The following ETNK1 variants were observed in gnomAD, a reference collection of about 807,000 sequenced individuals.
ETNK1 encodes the protein putative protein product of Nbla10396.
In ETNK1, 8 loss-of-function variants were observed where a neutral mutation model predicts 45.1. The ratio of observed to expected loss-of-function variants is 0.18; its 90% CI spans 0.10 to 0.32. The LOEUF (loss-of-function observed/expected upper bound fraction) is 0.32. Among genes scored for constraint, ETNK1 ranks in the 10% least tolerant of loss-of-function variants. ETNK1 has a pLI of 1.00. For missense variants in ETNK1, 302 were observed against 430.6 expected, an observed-to-expected ratio of 0.70 and a Z score of 2.64; for synonymous variants, 152 against 151.9, an observed-to-expected ratio of 1.00 and a Z score of -0.01.
At chr12:22,662,049 T>TC (rs1954004597) in intron 4 of ETNK1, among the ~76,000 whole-genome samples, 5 of 79,914 alleles carry the variant, frequency 6.3e-5, no homozygotes, top group African/African-American at 2.2e-4. Flanking sequence ...GGAAACTAGT[T>TC]CCCCGCACCC....
chr12:22,653,601 C>A (rs1048495910), intron 2 of ETNK1, among the ~76,000 whole-genome samples: 1 of 151,946 alleles, frequency 6.6e-6, no homozygotes, highest in Admixed American at 6.6e-5. Flanking sequence ...GTATTTATTT[C>A]TTTTCGATGC....
intron 1 of ETNK1, among the ~76,000 whole-genome samples, chr12:22,641,060 G>T (rs200753277): frequency 1.3e-5 from 2 of 152,206 alleles, no homozygotes; most frequent in Middle Eastern, 3.4e-3. Flanking sequence ...CAATGCAAAG[G>T]TAAGAAGTAT....
intron 2 of ETNK1, among the ~76,000 whole-genome samples, chr12:22,651,846 C>T (rs1221660512): frequency 3.3e-5 from 5 of 151,910 alleles, no homozygotes; most frequent in Non-Finnish European, 7.4e-5. Flanking sequence ...CCACCTCGCC[C>T]TGCCGAGTTT....
intron 1 of ETNK1, among the ~76,000 whole-genome samples, chr12:22,633,383 G>C (rs910238558): frequency 2.0e-5 from 3 of 152,048 alleles, no homozygotes; most frequent in Admixed American, 6.6e-5. Context: ...CTTTTCTTTT[G>C]GTCTGTTTTG....
chr12:22,629,653 T>C (rs1430366718), intron 1 of ETNK1, among the ~76,000 whole-genome samples: 1 of 152,162 alleles, frequency 6.6e-6, no homozygotes, highest in Non-Finnish European at 1.5e-5. Flanking sequence ...CTTTTCTGTT[T>C]TTAAAAAGAT....
At chr12:22,682,461 A>C (rs1001369893) in intron 6 of ETNK1, 2 of 280,748 alleles carry the variant, frequency 7.1e-6, no homozygotes, top group African/African-American at 4.5e-5. Flanking sequence ...TGTCCCATTA[A>C]AAATGTGCAA....
At chr12:22,651,682 C>CCT (rs1565441627) in intron 2 of ETNK1, among the ~76,000 whole-genome samples, 5 of 131,050 alleles carry the variant, frequency 3.8e-5, no homozygotes, top group Middle Eastern at 3.8e-3. Flanking sequence ...AATTCTATCC[C>CCT]TTTTTTTTTT....
In ETNK1 at chr12:22,673,610, A is replaced by G. The variant is rs1954132046; in HGVS notation, c.895A>G (p.Thr299Ala). Reference sequence around the variant, plus strand: ...ATTTAAGGGCTTTGGGACTGAAGTTACTGAAAAGGAGGTAGAAATACTCTT... The same window carrying G: ...ATTTAAGGGCTTTGGGACTGAAGTTGCTGAAAAGGAGGTAGAAATACTCTT... ...KEFKGFGTEV[T>A]EKEVEILFIQ... The change falls in exon 6 of 8, where the codon ACT (threonine) becomes GCT (alanine). Residue 299 changes from threonine (T) to alanine (A), a missense_variant. Thr to Ala is a moderately conservative substitution (Grantham distance 58, BLOSUM62 0). Around this residue, in one of 3 missense-constraint regions of ETNK1, gnomAD observed 94 missense variants for 152.9 expected, o/e 0.61. Transcript: ENST00000266517. 2.5e-6 allele frequency: 4 copies of G among 1,613,880 alleles called. No individual in the cohort carries two copies. The highest frequency in any genetic ancestry group is 3.4e-6 in the Non-Finnish European group (4 of 1,179,924).
intron 4 of ETNK1, among the ~76,000 whole-genome samples, chr12:22,663,201 A>G (rs1400124014): frequency 1.3e-5 from 2 of 152,150 alleles, no homozygotes; most frequent in Non-Finnish European, 2.9e-5. Flanking sequence ...CCAAATCTCA[A>G]TGCCATTTGT....
In ETNK1 at chr12:22,687,781, C is replaced by T. The variant is rs1954272495; in HGVS notation, c.*2827C>T. On this transcript the variant is annotated 3_prime_UTR_variant, in exon 8 of 8. Transcript: ENST00000266517. ...TGTGAACTGTATCTTGCATATGAGA[C>T]TGTGTATTGTTTTGCATTCTCTTCC... 1 of 152,218 alleles carries T rather than the reference C, an allele frequency of 6.6e-6. No homozygotes were observed. Among genetic ancestry groups the T allele is most frequent in the African/African-American group, 2.4e-5 (1 of 41,406 alleles). 9.4% of individuals were successfully genotyped at this position (152,218 alleles called of 1,614,324 possible).
chr12:22,673,890 A>G (rs186243437), intron 6 of ETNK1, among the ~76,000 whole-genome samples: 6 of 152,298 alleles, frequency 3.9e-5, no homozygotes, highest in Non-Finnish European at 5.9e-5. Flanking sequence ...ATGCCTGGCC[A>G]TATGATAGGT....
chr12:22,641,620 G>T (rs1953738575), intron 1 of ETNK1, among the ~76,000 whole-genome samples: 1 of 152,034 alleles, frequency 6.6e-6, no homozygotes, highest in African/African-American at 2.4e-5. Flanking sequence ...CAGGTTCATT[G>T]CTGTAAAACT....
intron 2 of ETNK1, among the ~76,000 whole-genome samples, chr12:22,652,721 T>G (rs1217079559): frequency 2.0e-5 from 3 of 152,214 alleles, no homozygotes; most frequent in Non-Finnish European, 2.9e-5. Context: ...GGGAGTTTGT[T>G]ATATGTTCTG....
intron 4 of ETNK1, among the ~76,000 whole-genome samples, chr12:22,667,731 AT>A (rs373538235): frequency 1.2e-4 from 18 of 152,258 alleles, no homozygotes; most frequent in African/African-American, 4.1e-4. Flanking sequence ...CATATTGACT[AT>A]TTTGCTTTTC....
At chr12:22,628,055 C>T (rs188400561) in intron 1 of ETNK1, among the ~76,000 whole-genome samples, 16 of 152,044 alleles carry the variant, frequency 1.1e-4, no homozygotes, top group Non-Finnish European at 2.4e-4. Flanking sequence ...GTGAGGTTTT[C>T]GGAGTATAGT....
At chr12:22,673,063 T>C (rs1406206128) in intron 5 of ETNK1, among the ~76,000 whole-genome samples, 1 of 152,086 alleles carries the variant, frequency 6.6e-6, no homozygotes, top group African/African-American at 2.4e-5. Flanking sequence ...GCCACTGCAC[T>C]CCAGCCTGGG....
chr12:22,690,342 C>T lies in ETNK1; in HGVS notation c.*5388C>T, dbSNP rs1465172029. ...TTCCTGTTTTCTTGTTTCATATTTT[C>T]ATGTTCAAAATTTAAGTTTTACATT... On this transcript the variant is annotated 3_prime_UTR_variant, in exon 8 of 8. Coordinates refer to ENST00000266517, the MANE Select transcript of ETNK1 (RefSeq NM_018638.5). 1 of 152,384 alleles carries T rather than the reference C, an allele frequency of 6.6e-6. No homozygotes were observed. The highest frequency in any genetic ancestry group is 1.5e-5 in the Non-Finnish European group (1 of 67,906). 9.4% of individuals were successfully genotyped at this position (152,384 alleles called of 1,614,324 possible).
chr12:22,638,755 T>C (rs535581238), intron 1 of ETNK1: 1 of 152,364 alleles, frequency 6.6e-6, no homozygotes, highest in South Asian at 2.1e-4. Context: ...TTAAAAATTA[T>C]AATTTTGTAA....
chr12:22,670,039 A>G (rs1474407619), intron 4 of ETNK1, among the ~76,000 whole-genome samples: 1 of 152,114 alleles, frequency 6.6e-6, no homozygotes, highest in Non-Finnish European at 1.5e-5. Context: ...TTTATGTAAA[A>G]CACTATTTGC....
Sources: gnomAD v4.1 joint callset for allele counts (sites outside exome capture counted in the v4.1 genomes callset) on GRCh38, gnomAD v4.1.1 for gene constraint, gnomAD v4.1.1 regional missense constraint, MANE v1.5 for transcripts, NCBI Gene and HGNC (gene_info 2026-07-23, HGNC 2026-07-21) for gene names.